Variants in CP observed in about 807,000 individuals in gnomAD.
CP encodes the protein ceruloplasmin.
In CP, 64 loss-of-function variants were observed where a neutral mutation model predicts 122.4. The ratio of observed to expected loss-of-function variants is 0.52; its 90% CI spans 0.43 to 0.64. The LOEUF is 0.64. Among genes scored for constraint, CP ranks in the 30% least tolerant of loss-of-function variants. The pLI is 0.00. For synonymous variants in CP, 440 were observed against 436.4 expected, an observed-to-expected ratio of 1.01 and a Z score of -0.10; for missense variants, 1,167 against 1,284.4, an observed-to-expected ratio of 0.91 and a Z score of 1.40.
intron 1 of CP, among the ~76,000 whole-genome samples, chr3:149,215,458 C>T (rs1336945709): frequency 6.6e-6 from 1 of 152,140 alleles, no homozygotes; most frequent in Non-Finnish European, 1.5e-5. Context: ...CATATCTAGG[C>T]GTTTTAACAT....
At chr3:149,186,416 C>T (rs937283541) in intron 11 of CP, 104 bp downstream of exon 11, 1 of 1,107,634 alleles carries the variant, frequency 9.0e-7, no homozygotes, top group Admixed American at 1.9e-5. Context: ...ACTTCAGAGG[C>T]TTGGGGAAGG....
chr3:149,162,610 G>C (rs1446667967), exon 6 of CP: 1 of 1,415,588 alleles, frequency 7.1e-7, no homozygotes, highest in Admixed American at 1.7e-5. Flanking sequence ...CCCATGTGAT[G>C]CTGTGATATT....
chr3:149,177,565 C>G (rs1390626924), intron 17 of CP, among the ~76,000 whole-genome samples: 2 of 152,124 alleles, frequency 1.3e-5, no homozygotes, highest in Non-Finnish European at 2.9e-5. Flanking sequence ...ATTATAATAC[C>G]TAATACAGTG....
chr3:149,187,924 G>A (rs1301688443), intron 10 of CP, 128 bp downstream of exon 10: 1 of 961,942 alleles, frequency 1.0e-6, no homozygotes, highest in Non-Finnish European at 1.6e-6. Context: ...TTACCTTCAG[G>A]ACACTATTGT....
Position 149,179,577 on chromosome 3 carries a change from A to G in CP, c.2640T>C (p.Tyr880=). 1 of 1,613,656 alleles carries G rather than the reference A, an allele frequency of 6.2e-7. No individual in the cohort carries two copies. The highest frequency in any genetic ancestry group is 8.5e-7 in the Non-Finnish European group (1 of 1,179,618). ...TTACCTTAACTTGATCCACAGTTGAATAATAAGCCCATGGAATACAAGCAG... is the reference window on the plus strand; with the variant it reads ...TTACCTTAACTTGATCCACAGTTGAGTAATAAGCCCATGGAATACAAGCAG... ...EDSACIPWAY[Y]STVDQVKDLY... The change falls in exon 15 of 19, where the codon TAT becomes TAC. Residue 880 remains tyrosine, a synonymous_variant. Transcript: ENST00000264613.
intron 10 of CP, among the ~76,000 whole-genome samples, chr3:149,187,258 A>C (rs766512598): frequency 1.3e-5 from 2 of 152,230 alleles, no homozygotes; most frequent in Non-Finnish European, 2.9e-5. Context: ...AAAAATGCAG[A>C]ATCAAAAGAA....
chr3:149,197,740 C>A (rs994245388), intron 9 of CP, among the ~76,000 whole-genome samples: 1 of 152,148 alleles, frequency 6.6e-6, no homozygotes, highest in Non-Finnish European at 1.5e-5. Flanking sequence ...AAGGAACGTG[C>A]AACCTAGACC....
chr3:149,199,872 C>G lies in CP; in HGVS notation c.1349-8G>C. ...CTGCCCAAATGACAGGACCTGGGAA[C>G]AAAGAGAGAATTATTATCCTTCCTT... On this transcript the variant is annotated splice_region_variant and splice_polypyrimidine_tract_variant and intron_variant, in intron 7 of 18. Transcript: ENST00000264613. 1 of 1,613,662 alleles carries G rather than the reference C, an allele frequency of 6.2e-7. No individual in the cohort carries two copies. The highest frequency in any genetic ancestry group is 8.5e-7 in the Non-Finnish European group (1 of 1,179,668).
At chr3:149,215,335 A>T (rs1412658367) in intron 1 of CP, among the ~76,000 whole-genome samples, 1 of 152,218 alleles carries the variant, frequency 6.6e-6, no homozygotes, top group Non-Finnish European at 1.5e-5. Flanking sequence ...ATAAACAAAT[A>T]CCTAAGACCA....
intron 18 of CP, among the ~76,000 whole-genome samples, chr3:149,175,753 C>T (rs1262445535): frequency 1.3e-5 from 2 of 151,488 alleles, no homozygotes; most frequent in South Asian, 4.2e-4. Flanking sequence ...TTTGTTTCTT[C>T]CCTGGATCTT....
At chr3:149,181,166 G>A (rs914641942) in intron 14 of CP, among the ~76,000 whole-genome samples, 1 of 152,066 alleles carries the variant, frequency 6.6e-6, no homozygotes, top group Non-Finnish European at 1.5e-5. Context: ...TCGAGTCTGA[G>A]GTCCTCCCTA....
intron 9 of CP, among the ~76,000 whole-genome samples, chr3:149,194,478 A>T (rs1726761686): frequency 6.6e-6 from 1 of 152,082 alleles, no homozygotes; most frequent in South Asian, 2.1e-4. Context: ...ACCTCAAGTG[A>T]TCCACTGACC....
intron 11 of CP, 92 bp downstream of exon 11, chr3:149,186,428 A>G: frequency 8.2e-7 from 1 of 1,224,036 alleles, no homozygotes; most frequent in Non-Finnish European, 1.2e-6. Context: ...TGGGGAAGGG[A>G]TAAGTTTATC....
At position 149,186,744 on chromosome 3, in the gene CP, G is replaced by C. The variant is rs1033104751; in HGVS notation, c.1865-12C>G. ...GAATCCATTCATGGCTGTAAAAGTTGGGAAATAACATTTTGGAAGTGGTTT... is the reference window on the plus strand; with the variant it reads ...GAATCCATTCATGGCTGTAAAAGTTCGGAAATAACATTTTGGAAGTGGTTT... On this transcript the variant is annotated splice_polypyrimidine_tract_variant and intron_variant, in intron 10 of 18. Coordinates refer to ENST00000264613, the MANE Select transcript of CP (RefSeq NM_000096.4). 2 of 1,612,212 alleles carry C rather than the reference G, an allele frequency of 1.2e-6. No individual in the cohort carries two copies. The highest frequency in any genetic ancestry group is 1.3e-5 in the African/African-American group (1 of 74,840).
chr3:149,184,314 C>T (rs191694637), intron 12 of CP, among the ~76,000 whole-genome samples: 17 of 152,168 alleles, frequency 1.1e-4, no homozygotes, highest in Middle Eastern at 3.4e-3. Context: ...GGATTACAGA[C>T]GTGAGCCACC....
chr3:149,197,633 G>C (rs1315095708), intron 9 of CP, among the ~76,000 whole-genome samples: 1 of 152,184 alleles, frequency 6.6e-6, no homozygotes, highest in Non-Finnish European at 1.5e-5. Flanking sequence ...CCAGGGACCG[G>C]TTTCACGGAA....
intron 15 of CP, 56 bp downstream of exon 15, chr3:149,179,500 C>A: frequency 7.7e-7 from 1 of 1,306,786 alleles, no homozygotes. Context: ...CCTTGTCTTC[C>A]TTCAATTGTG....
intron 12 of CP, among the ~76,000 whole-genome samples, chr3:149,183,924 C>A (rs1256686153): frequency 6.7e-6 from 1 of 149,838 alleles, no homozygotes. Context: ...AACAGATCAT[C>A]TCTAAGATTA....
rs182865662 is a variant in CP, at chr3:149,173,127, T to C, written c.*587A>G. ...TTCTTCTAATGGCAATGTTTGTCCT[T>C]ACCAGGATTTAATCTATAGAATTGT... On this transcript the variant is annotated 3_prime_UTR_variant, in exon 19 of 19. Transcript: ENST00000264613. 7 of 152,374 alleles carry C rather than the reference T, an allele frequency of 4.6e-5. No homozygotes were observed. Among genetic ancestry groups the C allele is most frequent in the Non-Finnish European group, 1.0e-4 (7 of 68,044 alleles). The allele number at this position is 152,374 out of a possible 1,614,324, so 9.4% of individuals were successfully genotyped here.
Sources: allele counts gnomAD v4.1 joint callset (sites outside exome capture counted in the v4.1 genomes callset), GRCh38; gene constraint gnomAD v4.1.1; transcripts MANE v1.5; gene names NCBI Gene and HGNC (gene_info 2026-07-23, HGNC 2026-07-21).